The following DPEP2 variants were observed in gnomAD, a reference collection of about 807,000 sequenced individuals.
The protein encoded by DPEP2 is dipeptidase 2.
In DPEP2, 45 loss-of-function variants were observed where a neutral mutation model predicts 51.8. The ratio of observed to expected loss-of-function variants is 0.87; its 90% CI spans 0.68 to 1.11. The LOEUF (loss-of-function observed/expected upper bound fraction) is 1.11, where lower values mean the gene tolerates loss of function less well. Among genes scored for constraint, DPEP2 ranks in the 50% most tolerant of loss-of-function variants. The probability of loss-of-function intolerance (pLI) is 0.00; values close to 1 mark genes in which losing one functional copy is unlikely to be tolerated. For synonymous variants in DPEP2, 255 were observed against 262.7 expected, an observed-to-expected ratio of 0.97 and a Z score of 0.28; for missense variants, 604 against 631.9, an observed-to-expected ratio of 0.96 and a Z score of 0.47.
At position 67,992,131 on chromosome 16, in the gene DPEP2, C is replaced by T; in HGVS notation, c.453G>A (p.Glu151=). ...QDRDALRLTL[E]QIDLIRRMCA... Reference sequence around the variant, plus strand: ...ACATGCGGCGTATGAGGTCAATCTGCTCCAGGGTGAGGCGCAGGGCATCCC... The same window carrying T: ...ACATGCGGCGTATGAGGTCAATCTGTTCCAGGGTGAGGCGCAGGGCATCCC... The change falls in exon 4 of 11, where the codon GAG becomes GAA. Residue 151 remains glutamate (E), a synonymous_variant. Transcript: ENST00000393847. 6.2e-7 allele frequency: 1 copy of T among 1,614,192 alleles called. No individual in the cohort carries two copies.
intron 2 of DPEP2, 33 bp from the exon 3 acceptor site, chr16:67,992,669 AACAG>A: frequency 6.2e-7 from 1 of 1,603,518 alleles, no homozygotes; most frequent in Non-Finnish European, 8.5e-7. Context: ...TCAGGTGAAG[AACAG>A]ACAGATGGGC....
At chr16:67,995,208 T>A (rs551648975) in intron 1 of DPEP2, among the ~76,000 whole-genome samples, 17 of 151,976 alleles carry the variant, frequency 1.1e-4, no homozygotes, top group East Asian at 3.9e-4. Context: ...GCTTTTTTTT[T>A]ATTTTTTATT....
At position 67,992,629 on chromosome 16, in the gene DPEP2, C is replaced by T. The variant is rs144507252; in HGVS notation, c.271G>A (p.Asp91Asn). 1.1e-5 allele frequency: 18 copies of T among 1,613,378 alleles called. No homozygotes were observed. Among genetic ancestry groups the T allele is most frequent in the Non-Finnish European group, 1.4e-5 (17 of 1,179,494 alleles). The change falls in exon 3 of 11, where the codon GAC becomes AAC. Residue 91 changes from aspartate (D) to asparagine (N), a missense_variant. Coordinates refer to ENST00000393847, the MANE Select transcript of DPEP2 (RefSeq NM_022355.4). Reference sequence around the variant, plus strand: ...ACCTGCCTTAGGACCAGGGGCAGGTCGTTGTGGCTGGAGGGATGTCAAGCC... The same window carrying T: ...ACCTGCCTTAGGACCAGGGGCAGGTTGTTGTGGCTGGAGGGATGTCAAGCC... ...RDFPLVDGHN[D>N]LPLVLRQVYQ...
In DPEP2 at chr16:67,993,150, C is replaced by T; in HGVS notation, c.63G>A (p.Leu21=). The T allele has an allele frequency of 6.6e-7, 1 of 1,526,486 alleles. No homozygotes were observed. The highest frequency in any genetic ancestry group is 8.8e-7 in the Non-Finnish European group (1 of 1,133,712). 94.6% of individuals were successfully genotyped at this position (1,526,486 alleles called of 1,614,324 possible). The change falls in exon 2 of 11, where the codon CTG becomes CTA. Residue 21 remains leucine, a synonymous_variant. Transcript: ENST00000393847. ...TFGRWPLLSL[L]LLLLLLQPVT... The stretch of plus-strand genomic sequence containing the variant: ...CAGGCTGGAGCAGCAGCAGCAGGAG[C>T]AGCAGACTCAGCAGAGGCCACCGAC...
chr16:67,988,615 A>AG (rs1319955671), intron 9 of DPEP2, among the ~76,000 whole-genome samples: 1 of 150,096 alleles, frequency 6.7e-6, no homozygotes, highest in Non-Finnish European at 1.5e-5. Flanking sequence ...AAAAAAAAAA[A>AG]AGAAAAGAAA....
In DPEP2 at chr16:67,991,012, T is replaced by C; in HGVS notation, c.733-15A>G. 1.9e-6 allele frequency: 3 copies of C among 1,613,824 alleles called. No individual in the cohort carries two copies. Among genetic ancestry groups the C allele is most frequent in the Non-Finnish European group, 2.5e-6 (3 of 1,179,728 alleles). On this transcript the variant is annotated splice_polypyrimidine_tract_variant and intron_variant, in intron 6 of 10. Transcript: ENST00000393847. This position sits in a 1 kb window ranked among gnomAD's most constrained non-coding sequence, Gnocchi z 5.1. ...GCCACCACCTTCTGCAGGGACATGTTGGGAGAAGGGTATCAGGGGTGCACA... is the reference window on the plus strand; with the variant it reads ...GCCACCACCTTCTGCAGGGACATGTCGGGAGAAGGGTATCAGGGGTGCACA...
At chr16:67,988,025 C>T (rs545167826) in intron 9 of DPEP2, 38 bp from the exon 10 acceptor site, 2 of 1,613,314 alleles carry the variant, frequency 1.2e-6, no homozygotes, top group African/African-American at 2.7e-5. Flanking sequence ...AGACCTGATT[C>T]CCTGATCATG....
rs763600957 is a variant in DPEP2, at chr16:67,987,747, T to C, written c.1220A>G (p.Asn407Ser). 2.5e-6 allele frequency: 4 copies of C among 1,613,582 alleles called. No homozygotes were observed. The South Asian group carries it at 3.3e-5, about 13-fold the overall frequency. The change falls in exon 11 of 11, where the codon AAC becomes AGC. Residue 407 changes from asparagine (N) to serine (S), a missense_variant. Transcript: ENST00000393847. ...GTCCTCCAAGGGGCTTTGCCATTTG[T>C]TTTCTTCCTGTACCTAGAGGTGGCA... ...FRQVEKVQEENKWQSPLEDKF... is the reference protein window; with the variant it reads ...FRQVEKVQEESKWQSPLEDKF...
In DPEP2 at chr16:67,989,459, G is replaced by A; in HGVS notation, c.995-61C>T. On this transcript the variant is annotated intron_variant, in intron 8 of 10. Coordinates refer to ENST00000393847, the MANE Select transcript of DPEP2 (RefSeq NM_022355.4). Reference sequence around the variant, plus strand: ...GGCTTCCAGGGCAGGGGTGCCACTGGGGCTGGATGGCACTGAGTCTCCTTC... The same window carrying A: ...GGCTTCCAGGGCAGGGGTGCCACTGAGGCTGGATGGCACTGAGTCTCCTTC... 1.9e-6 allele frequency: 3 copies of A among 1,556,368 alleles called. No individual in the cohort carries two copies. In the African/African-American group the frequency reaches 4.1e-5, roughly 21 times the overall value.
chr16:67,993,474 G>A (rs2032448291), intron 1 of DPEP2: 1 of 1,233,622 alleles, frequency 8.1e-7, no homozygotes, highest in Non-Finnish European at 1.0e-6. Flanking sequence ...GCGGATCCCT[G>A]TCCTGGGCGC....
intron 1 of DPEP2, among the ~76,000 whole-genome samples, chr16:67,996,646 C>T (rs752953821): frequency 1.3e-4 from 20 of 151,764 alleles, no homozygotes; most frequent in Non-Finnish European, 7.4e-5. Flanking sequence ...CCTCCCAAAG[C>T]GCTGGGATTA....
At chr16:67,997,125 TG>T (rs903210026) in intron 1 of DPEP2, among the ~76,000 whole-genome samples, 7 of 149,854 alleles carry the variant, frequency 4.7e-5, no homozygotes, top group African/African-American at 7.4e-5. Flanking sequence ...CTCTGCCTCC[TG>T]GGTTCAAGTG....
chr16:67,993,477 C>T, intron 1 of DPEP2: 1 of 1,233,506 alleles, frequency 8.1e-7, no homozygotes, highest in Non-Finnish European at 1.0e-6. Context: ...GATCCCTGTC[C>T]TGGGCGCCCA....
At chr16:67,995,616 A>G (rs2151388519) in intron 1 of DPEP2, among the ~76,000 whole-genome samples, 1 of 152,310 alleles carries the variant, frequency 6.6e-6, no homozygotes, top group Non-Finnish European at 1.5e-5. Context: ...CCAAGAGGTA[A>G]GGGGCATAAA....
intron 7 of DPEP2, 64 bp downstream of exon 7, chr16:67,990,757 C>G (rs1410867595): frequency 1.9e-6 from 3 of 1,549,744 alleles, no homozygotes; most frequent in African/African-American, 1.4e-5. Flanking sequence ...AGCCACCATG[C>G]CTGGCCGAAG....
At chr16:67,989,517 T>A in intron 8 of DPEP2, 119 bp from the exon 9 acceptor site, 1 of 1,009,888 alleles carries the variant, frequency 9.9e-7, no homozygotes. Context: ...GCTAATTCCT[T>A]TATGGCCTGC....
At chr16:67,989,605 G>A (rs1396726954) in intron 8 of DPEP2, among the ~76,000 whole-genome samples, 3 of 152,204 alleles carry the variant, frequency 2.0e-5, no homozygotes, top group African/African-American at 7.2e-5. Flanking sequence ...TTTCAGGTTT[G>A]GAGTGGATCC....
upstream of DPEP2, chr16:68,000,363 G>A (rs980110038): frequency 3.5e-6 from 3 of 861,672 alleles, no homozygotes; most frequent in African/African-American, 3.7e-5. Context: ...GAGTATGCAG[G>A]GAAGGAAAAA....
At chr16:67,999,486 C>T, upstream of DPEP2, 1 of 987,472 alleles carries the variant, frequency 1.0e-6, no homozygotes, top group South Asian at 4.7e-5. Context: ...CTAGTGTGTG[C>T]TGTTTCCCCT....
Sources: allele counts gnomAD v4.1 joint callset (sites outside exome capture counted in the v4.1 genomes callset), GRCh38; gene constraint gnomAD v4.1.1; non-coding constraint Gnocchi (gnomAD v3.1); transcripts MANE v1.5; gene names NCBI Gene and HGNC (gene_info 2026-07-23, HGNC 2026-07-21).